NR5A1: variants seen among roughly 807,000 people sequenced by gnomAD.
NR5A1 encodes the protein nuclear receptor subfamily 5 group A member 1.
In NR5A1, 6 loss-of-function variants were observed where a neutral mutation model predicts 42.7. The observed-to-expected ratio is 0.14, with a 90% confidence interval of 0.08 to 0.28. The LOEUF (loss-of-function observed/expected upper bound fraction) is 0.28. Among genes scored for constraint, NR5A1 ranks in the 10% least tolerant of loss-of-function variants. The pLI is 1.00. For synonymous variants in NR5A1, 274 were observed against 277.5 expected (o/e 0.99, Z 0.12); for missense variants, 442 against 626.4 (o/e 0.71, Z 3.14).
Position 124,482,874 on chromosome 9 carries a change from C to T in NR5A1, c.1270G>A (p.Val424Met), listed in dbSNP as rs1832150414. The T allele has an allele frequency of 6.2e-7, 1 of 1,614,066 alleles. No homozygotes were observed. Among genetic ancestry groups the T allele is most frequent in the African/African-American group, 1.3e-5 (1 of 74,932 alleles). Residue 424 changes from valine (V) to methionine (M), a missense_variant, in exon 7 of 7, where the codon GTG becomes ATG. By Grantham distance (21) the Val-to-Met change is conservative. Coordinates refer to ENST00000373588, the MANE Select transcript of NR5A1 (RefSeq NM_004959.5). ...TGCATGCTCAGGGCCCGCACCTCCA[C>T]CAGGCACAGCAGCAGCTGCTGGAAT... ...DKFQQLLLCL[V>M]EVRALSMQAK...
In NR5A1 at chr9:124,491,070, G is replaced by T; in HGVS notation, c.1138+11C>A. On this transcript the variant is annotated intron_variant, in intron 6 of 6. Transcript: ENST00000373588. ...CTGTCTCCACCTCTCTGTCACTGGA[G>T]CTGCACTCACCCAGGCTGAAGAGGA... The T allele has an allele frequency of 6.3e-7, 1 of 1,578,380 alleles. No homozygotes were observed.
At position 124,502,289 on chromosome 9, in the gene NR5A1, T is replaced by C. The variant is rs533106789; in HGVS notation, c.244+790A>G. ...GCTGCCGTTAAGCCCATTTTTCTTT[T>C]CTTTCTTTCTCTTTCTGCCTTTTCT... On this transcript the variant is annotated intron_variant, in intron 3 of 6. Coordinates refer to ENST00000373588, the MANE Select transcript of NR5A1 (RefSeq NM_004959.5). 5.8e-4 allele frequency among the ~76,000 whole-genome samples: 88 copies of C among 152,318 alleles called. 1 individual carries two copies. The South Asian group carries it at 0.018, about 30-fold the overall frequency.
At chr9:124,491,055 C>A in intron 6 of NR5A1, 26 bp downstream of exon 6, 1 of 1,554,124 alleles carries the variant, frequency 6.4e-7, no homozygotes, top group East Asian at 2.4e-5. Flanking sequence ...CTGTCTCCAC[C>A]TCTCTGTCAC....
In NR5A1 at chr9:124,490,839, G is replaced by A. The variant is rs557393916; in HGVS notation, c.1138+242C>T. Among the ~76,000 whole-genome samples, 94 of 152,284 alleles carry A rather than the reference G, an allele frequency of 6.2e-4. 1 individual carries two copies. In the South Asian group the frequency reaches 0.017, roughly 28 times the overall value. On this transcript the variant is annotated intron_variant, in intron 6 of 6. Coordinates refer to ENST00000373588, the MANE Select transcript of NR5A1 (RefSeq NM_004959.5). Reference sequence around the variant, plus strand: ...AACAGGGACCCCAGGATGGGAGCCTGGAATAAAAATCCTAAAGTCACATGG... The same window carrying A: ...AACAGGGACCCCAGGATGGGAGCCTAGAATAAAAATCCTAAAGTCACATGG...
chr9:124,498,089 G>C lies in NR5A1; in HGVS notation c.870+2001C>G, dbSNP rs1832413222. Among the ~76,000 whole-genome samples, 1 of 152,200 alleles carries C rather than the reference G, an allele frequency of 6.6e-6. No individual in the cohort carries two copies. Among genetic ancestry groups the C allele is most frequent in the Non-Finnish European group, 1.5e-5 (1 of 68,036 alleles). On this transcript the variant is annotated intron_variant, in intron 4 of 6. Transcript: ENST00000373588. This position sits in a 1 kb window ranked among gnomAD's most constrained non-coding sequence, Gnocchi z 4.6. ...GCTGCTCCACTCTCAGAGCCAGAGAGCCCCCTCTTCTGTCTGCTAAGATGT... is the reference window on the plus strand; with the variant it reads ...GCTGCTCCACTCTCAGAGCCAGAGACCCCCCTCTTCTGTCTGCTAAGATGT...
At position 124,482,924 on chromosome 9, in the gene NR5A1, C is replaced by T; in HGVS notation, c.1220G>A (p.Cys407Tyr). The change falls in exon 7 of 7, where the codon TGC becomes TAC. Residue 407 changes from cysteine to tyrosine, a missense_variant. Transcript: ENST00000373588. The stretch of plus-strand genomic sequence containing the variant: ...TTTGTCCCCGCAGTGCGGGTAGTGG[C>T]ACAGGGTGTAGTCAAGCAGGGCGGC... ...ANAALLDYTL[C>Y]HYPHCGDKFQ... is the part of the protein sequence containing the mutation. The T allele has an allele frequency of 6.2e-7, 1 of 1,614,190 alleles. No individual in the cohort carries two copies.
chr9:124,495,394 G>A (rs1444391244), intron 4 of NR5A1, among the ~76,000 whole-genome samples: 5 of 152,168 alleles, frequency 3.3e-5, no homozygotes, highest in Admixed American at 2.0e-4. Flanking sequence ...CTGCCCTGCC[G>A]ACATTCTGCC....
At position 124,503,224 on chromosome 9, in the gene NR5A1, C is replaced by T. The variant is rs750148726; in HGVS notation, c.103-4G>A. ...GCACCGTGCGCTTGAAGAAGCCCTG[C>T]GGGAGCTGAGAGTCAGCGAGGCCCC... On this transcript the variant is annotated splice_polypyrimidine_tract_variant and splice_region_variant and intron_variant, in intron 2 of 6. Coordinates refer to ENST00000373588, the MANE Select transcript of NR5A1 (RefSeq NM_004959.5). This position sits in a 1 kb window ranked among gnomAD's most constrained non-coding sequence, Gnocchi z 9.6. 1.3e-6 allele frequency: 2 copies of T among 1,597,526 alleles called. No homozygotes were observed. The highest frequency in any genetic ancestry group is 2.7e-5 in the African/African-American group (2 of 74,298).
chr9:124,500,808 C>G lies in NR5A1; in HGVS notation c.245-93G>C, dbSNP rs1338774488. ...TCCTTTCCAAACAAATCTGACCGCT[C>G]TCTCCCCTGCTCAACACCCTTTCAT... On this transcript the variant is annotated intron_variant, in intron 3 of 6. Transcript: ENST00000373588. This position sits in a 1 kb window ranked among gnomAD's most constrained non-coding sequence, Gnocchi z 6.9. The G allele has an allele frequency of 2.5e-6, 4 of 1,586,390 alleles. No individual in the cohort carries two copies. The highest frequency in any genetic ancestry group is 3.5e-6 in the Non-Finnish European group (4 of 1,157,870).
At position 124,503,801 on chromosome 9, in the gene NR5A1, C is replaced by T. The variant is rs1352005276; in HGVS notation, c.-15-391G>A. The stretch of plus-strand genomic sequence containing the variant: ...AGGGGACCCAGGAGCGCTGGGGCGC[C>T]CGGCCCGGGTGTTCTGGGAACCCGA... On this transcript the variant is annotated intron_variant, in intron 1 of 6. Transcript: ENST00000373588. This position sits in a 1 kb window ranked among gnomAD's most constrained non-coding sequence, Gnocchi z 9.6. Among the ~76,000 whole-genome samples, 1 of 152,220 alleles carries T rather than the reference C, an allele frequency of 6.6e-6. No homozygotes were observed. Among genetic ancestry groups the T allele is most frequent in the Admixed American group, 6.5e-5 (1 of 15,284 alleles).
rs927189289 is a variant in NR5A1 at position 124,507,329 on chromosome 9, T to C, written c.-96A>G. On this transcript the variant is annotated 5_prime_UTR_variant, in exon 1 of 7. Coordinates refer to ENST00000373588, the MANE Select transcript of NR5A1 (RefSeq NM_004959.5). ...CAGGGGGAGGCTCCGGCAGCCCAGGTGGGACGGTGGCGACTGTGGGTGCGC... is the reference window on the plus strand; with the variant it reads ...CAGGGGGAGGCTCCGGCAGCCCAGGCGGGACGGTGGCGACTGTGGGTGCGC... 5.2e-5 allele frequency: 8 copies of C among 152,402 alleles called. No homozygotes were observed. The highest frequency in any genetic ancestry group is 1.9e-4 in the African/African-American group (8 of 41,392). 9.4% of individuals were successfully genotyped at this position (152,402 alleles called of 1,614,324 possible).
rs1429095864 is a variant in NR5A1, at chr9:124,499,921, CTGTGA to C, written c.870+164_870+168del. Among the ~76,000 whole-genome samples, 7 of 152,142 alleles carry C rather than the reference CTGTGA, an allele frequency of 4.6e-5. 1 individual carries two copies. Among genetic ancestry groups the C allele is most frequent in the African/African-American group, 1.7e-4 (7 of 41,438 alleles). ...AGGGAGGGAGCGGGGACCCAGGAGG[CTGTGA>C]TAAGTGGAAATGCTCCTTAATGTCC... On this transcript the variant is annotated intron_variant, in intron 4 of 6. Coordinates refer to ENST00000373588, the MANE Select transcript of NR5A1 (RefSeq NM_004959.5).
rs1832450150 is a variant in NR5A1 at position 124,500,462 on chromosome 9, G to A, written c.498C>T (p.Ala166=). 1.3e-6 allele frequency: 2 copies of A among 1,592,692 alleles called. No homozygotes were observed. Among genetic ancestry groups the A allele is most frequent in the Non-Finnish European group, 1.7e-6 (2 of 1,171,616 alleles). Residue 166 remains alanine (A), a synonymous_variant, in exon 4 of 7, where the codon GCC becomes GCT. Coordinates refer to ENST00000373588, the MANE Select transcript of NR5A1 (RefSeq NM_004959.5). The surrounding 1 kb of genome is among the most constrained non-coding windows in gnomAD (Gnocchi z 6.9). ...CGGGCACGGCCATGGGCAGTGCTGG[G>A]GCCCCAAAGTCGCCCAGTGGCCCAG... ...PPAGPLGDFG[A]PALPMAVPGA... is the part of the protein sequence containing the mutation.
Position 124,503,470 on chromosome 9 carries a change from G to C in NR5A1, c.-15-60C>G. The stretch of plus-strand genomic sequence containing the variant: ...GAGACCGGCAGCCTGGGGTCCCCGC[G>C]GCCGCCGCCCCAGCCGCTGTCGCCG... On this transcript the variant is annotated intron_variant, in intron 1 of 6. Coordinates refer to ENST00000373588, the MANE Select transcript of NR5A1 (RefSeq NM_004959.5). This position sits in a 1 kb window ranked among gnomAD's most constrained non-coding sequence, Gnocchi z 9.6. 1 of 1,408,756 alleles carries C rather than the reference G, an allele frequency of 7.1e-7. No individual in the cohort carries two copies. Among genetic ancestry groups the C allele is most frequent in the Non-Finnish European group, 9.7e-7 (1 of 1,033,666 alleles). 87.3% of individuals were successfully genotyped at this position (1,408,756 alleles called of 1,614,324 possible). A position where few individuals can be genotyped will look rare whatever the true frequency, so the allele number is the denominator to read the frequency against.
intron 1 of NR5A1, among the ~76,000 whole-genome samples, chr9:124,505,382 G>A (rs1832541446): frequency 6.6e-6 from 1 of 152,210 alleles, no homozygotes; most frequent in African/African-American, 2.4e-5. Flanking sequence ...GGATTCACGG[G>A]TGGAAGCCAG....
intron 6 of NR5A1, among the ~76,000 whole-genome samples, chr9:124,489,757 C>CCCCG (rs543946825): frequency 2.9e-3 from 398 of 135,432 alleles, no homozygotes; most frequent in African/African-American, 9.3e-3. Context: ...CCGCCCCCCA[C>CCCCG]CCCAATGGCT....
At position 124,498,607 on chromosome 9, in the gene NR5A1, C is replaced by T. The variant is rs1832421108; in HGVS notation, c.870+1483G>A. On this transcript the variant is annotated intron_variant, in intron 4 of 6. Coordinates refer to ENST00000373588, the MANE Select transcript of NR5A1 (RefSeq NM_004959.5). The surrounding 1 kb of genome is among the most constrained non-coding windows in gnomAD (Gnocchi z 4.6). ...GGAAGTCTGGAGGGAAGCTAGCAAC[C>T]AACCCAAGATGCTTGGGGTCCTCAT... 6.6e-6 allele frequency among the ~76,000 whole-genome samples: 1 copy of T among 152,228 alleles called. No homozygotes were observed. The highest frequency in any genetic ancestry group is 2.1e-4 in the South Asian group (1 of 4,836).
At chr9:124,505,393 A>AT (rs1832541589) in intron 1 of NR5A1, among the ~76,000 whole-genome samples, 1 of 152,082 alleles carries the variant, frequency 6.6e-6, no homozygotes, top group African/African-American at 2.4e-5. Flanking sequence ...TGGAAGCCAG[A>AT]TTCTCCCATG....
At chr9:124,492,879 G>T in intron 5 of NR5A1, 151 bp downstream of exon 5, 1 of 991,854 alleles carries the variant, frequency 1.0e-6, no homozygotes, top group Non-Finnish European at 1.4e-6. Flanking sequence ...TGGGCCAGTG[G>T]GTGTTCCATG....
Sources: gnomAD v4.1 joint callset for allele counts (sites outside exome capture counted in the v4.1 genomes callset) on GRCh38, gnomAD v4.1.1 for gene constraint, Gnocchi (gnomAD v3.1) non-coding constraint, MANE v1.5 for transcripts, NCBI Gene and HGNC (gene_info 2026-07-23, HGNC 2026-07-21) for gene names.